Variants in FLT1 observed in about 807,000 individuals in gnomAD.
FLT1 encodes fms related receptor tyrosine kinase 1.
In FLT1, 49 loss-of-function variants were observed where a neutral mutation model predicts 156.3. The observed-to-expected ratio is 0.31, with a 90% CI of 0.25 to 0.40. The LOEUF is 0.40. Among genes scored for constraint, FLT1 ranks in the 10% least tolerant of loss-of-function variants. The pLI is 1.00. For missense variants in FLT1, 1,322 were observed against 1,637.2 expected (o/e 0.81, Z 3.32); for synonymous variants, 594 against 583.8 (o/e 1.02, Z -0.25).
chr13:28,366,763 G>A (rs1293293635), intron 14 of FLT1, among the ~76,000 whole-genome samples: 1 of 152,122 alleles, frequency 6.6e-6, no homozygotes, highest in African/African-American at 2.4e-5. Context: ...GAGCCACCAC[G>A]CCCAGTGGAA....
intron 3 of FLT1, among the ~76,000 whole-genome samples, chr13:28,459,720 T>C (rs543437572): frequency 6.6e-6 from 1 of 152,380 alleles, no homozygotes; most frequent in South Asian, 2.1e-4. Flanking sequence ...TTTGCCTATT[T>C]TCCCTTGGAG....
chr13:28,315,805 G>A (rs368010091), intron 25 of FLT1, among the ~76,000 whole-genome samples: 8 of 152,264 alleles, frequency 5.3e-5, no homozygotes, highest in East Asian at 3.9e-4. Context: ...ACTGAGGAAC[G>A]TGGGGTCTGT....
At chr13:28,349,538 T>TGGGATC (rs1872677113) in intron 15 of FLT1, among the ~76,000 whole-genome samples, 1 of 152,214 alleles carries the variant, frequency 6.6e-6, no homozygotes, top group Non-Finnish European at 1.5e-5. Context: ...TGATTGGGAT[T>TGGGATC]GGGATCCTCT....
At chr13:28,413,048 G>A (rs1876409512) in intron 10 of FLT1, among the ~76,000 whole-genome samples, 1 of 152,058 alleles carries the variant, frequency 6.6e-6, no homozygotes, top group Non-Finnish European at 1.5e-5. Context: ...CTTGTGCAGT[G>A]AGAGACCTTG....
chr13:28,387,699 T>G (rs1207923750), intron 13 of FLT1: 4 of 1,059,914 alleles, frequency 3.8e-6, no homozygotes, highest in Non-Finnish European at 4.6e-6. Flanking sequence ...GCTCCTTTTT[T>G]CTCCTTTTTT....
chr13:28,340,943 T>C (rs1872311296), intron 16 of FLT1, among the ~76,000 whole-genome samples: 1 of 152,176 alleles, frequency 6.6e-6, no homozygotes, highest in South Asian at 2.1e-4. Flanking sequence ...TGAATTCCTA[T>C]AACAGGGTAC....
chr13:28,429,565 T>C (rs1260501780), intron 8 of FLT1, among the ~76,000 whole-genome samples: 4 of 152,156 alleles, frequency 2.6e-5, no homozygotes, highest in Non-Finnish European at 4.4e-5. Context: ...ATCGTCCCCC[T>C]CTTCAAATGA....
chr13:28,417,584 G>A (rs956406184), intron 10 of FLT1, among the ~76,000 whole-genome samples: 1 of 152,068 alleles, frequency 6.6e-6, no homozygotes, highest in African/African-American at 2.4e-5. Context: ...GCTGTGAGAT[G>A]AGATAACTAT....
In FLT1 at chr13:28,438,208, T is replaced by C. The variant is rs1395025575; in HGVS notation, c.513+13A>G. Reference sequence around the variant, plus strand: ...AGTGAAAGTATGCTGAGAATAGCGGTGTTCAAATTTACCTTTTTTAAAGTA... The same window carrying C: ...AGTGAAAGTATGCTGAGAATAGCGGCGTTCAAATTTACCTTTTTTAAAGTA... On this transcript the variant is annotated intron_variant, in intron 4 of 29. Transcript: ENST00000282397. 2.5e-6 allele frequency: 4 copies of C among 1,612,432 alleles called. No individual in the cohort carries two copies. Among genetic ancestry groups the C allele is most frequent in the Non-Finnish European group, 3.4e-6 (4 of 1,178,502 alleles).
At chr13:28,441,068 C>T (rs1448449111) in intron 3 of FLT1, among the ~76,000 whole-genome samples, 1 of 152,174 alleles carries the variant, frequency 6.6e-6, no homozygotes, top group Non-Finnish European at 1.5e-5. Context: ...TGATCAGCAG[C>T]TTCCTGATAA....
At chr13:28,347,085 G>T (rs766590605) in intron 15 of FLT1, among the ~76,000 whole-genome samples, 7 of 152,062 alleles carry the variant, frequency 4.6e-5, no homozygotes, top group Admixed American at 4.6e-4. Context: ...TGAAAGATTC[G>T]GCTGCTGAGG....
chr13:28,438,481 T>C, intron 3 of FLT1, 136 bp from the exon 4 acceptor site: 1 of 710,870 alleles, frequency 1.4e-6, no homozygotes, highest in Non-Finnish European at 2.4e-6. Flanking sequence ...TACATTCACA[T>C]CTTTGTCTCT....
intron 3 of FLT1, among the ~76,000 whole-genome samples, chr13:28,457,146 C>G (rs1388740180): frequency 6.6e-6 from 1 of 151,124 alleles, no homozygotes; most frequent in African/African-American, 2.5e-5. Context: ...TTGCTGTGAG[C>G]CTGAAACTGC....
chr13:28,460,417 T>G (rs1004434310), intron 3 of FLT1, among the ~76,000 whole-genome samples: 4 of 142,274 alleles, frequency 2.8e-5, no homozygotes, highest in Non-Finnish European at 4.9e-5. Flanking sequence ...TTTATGTCTC[T>G]CACAGATCAA....
intron 24 of FLT1, among the ~76,000 whole-genome samples, chr13:28,318,899 G>A (rs1871318748): frequency 1.3e-5 from 2 of 152,186 alleles, no homozygotes; most frequent in Non-Finnish European, 2.9e-5. Context: ...AACCAGTGTT[G>A]TTTATTGCTT....
At chr13:28,444,286 A>G (rs1878489538) in intron 3 of FLT1, among the ~76,000 whole-genome samples, 1 of 152,156 alleles carries the variant, frequency 6.6e-6, no homozygotes. Flanking sequence ...CACTAAAAAT[A>G]CACAAGTTAG....
chr13:28,442,786 T>C (rs1878407726), intron 3 of FLT1, among the ~76,000 whole-genome samples: 1 of 152,002 alleles, frequency 6.6e-6, no homozygotes, highest in African/African-American at 2.4e-5. Flanking sequence ...TCCTCTGCAA[T>C]TTACTTCAAG....
chr13:28,448,641 T>G (rs766669990), intron 3 of FLT1, among the ~76,000 whole-genome samples: 5 of 152,330 alleles, frequency 3.3e-5, no homozygotes, highest in African/African-American at 7.2e-5. Context: ...GGAGTTTATT[T>G]TGAGACAATG....
chr13:28,488,675 G>A (rs1323206116), intron 1 of FLT1, among the ~76,000 whole-genome samples: 1 of 152,114 alleles, frequency 6.6e-6, no homozygotes, highest in African/African-American at 2.4e-5. Context: ...CCCAAGCCAT[G>A]GGATTCCAAT....
Sources: gnomAD v4.1 joint callset for allele counts (sites outside exome capture counted in the v4.1 genomes callset) on GRCh38, gnomAD v4.1.1 for gene constraint, MANE v1.5 for transcripts, NCBI Gene and HGNC (gene_info 2026-07-23, HGNC 2026-07-21) for gene names.